ATXN10: variants seen among roughly 807,000 people sequenced by gnomAD.
ATXN10 encodes the protein ataxin-10.
A neutral mutation model predicts 52.9 loss-of-function variants in ATXN10; 28 were observed. The ratio of observed to expected loss-of-function variants is 0.53; its 90% CI spans 0.39 to 0.73. ATXN10 has a LOEUF of 0.73. Among genes scored for constraint, ATXN10 ranks in the 30% least tolerant of loss-of-function variants. The pLI, the probability that ATXN10 is intolerant of heterozygous loss-of-function variation, is 0.00. For synonymous variants in ATXN10, 226 were observed against 221.5 expected (o/e 1.02, Z -0.18); for missense variants, 565 against 577.0 (o/e 0.98, Z 0.21).
intron 10 of ATXN10, among the ~76,000 whole-genome samples, chr22:45,813,286 A>T (rs1601662419): frequency 7.0e-6 from 1 of 143,410 alleles, no homozygotes. Context: ...TTTTTCTTTC[A>T]TTCTTTTTTG....
rs1398476208 is a variant in ATXN10, at chr22:45,841,643, G to A, written c.1238-1348G>A. Among the ~76,000 whole-genome samples the A allele has an allele frequency of 1.3e-5, 2 of 152,232 alleles. No homozygotes were observed. Among genetic ancestry groups the A allele is most frequent in the Non-Finnish European group, 2.9e-5 (2 of 68,040 alleles). ...CTGAGCATACAGCTGACTGTGTTTA[G>A]TACGTTTCAGTTGTCTGACTTAATT... is the stretch of plus-strand genomic sequence containing the variant. On this transcript the variant is annotated intron_variant, in intron 10 of 11. Transcript: ENST00000252934. The surrounding 1 kb of genome is among the most constrained non-coding windows in gnomAD (Gnocchi z 5.1).
intron 7 of ATXN10, among the ~76,000 whole-genome samples, chr22:45,730,600 A>G (rs1413297249): frequency 2.0e-5 from 3 of 152,060 alleles, no homozygotes; most frequent in African/African-American, 7.2e-5. Context: ...CCATGCCCAG[A>G]TAATTTTTGT....
In ATXN10 at chr22:45,841,260, A is replaced by G. The variant is rs1929337577; in HGVS notation, c.1238-1731A>G. ...ATGACACAATAAGAACTTTTTCCCCACCATAGACAGATGACTGATTATAGA... is the reference window on the plus strand; with the variant it reads ...ATGACACAATAAGAACTTTTTCCCCGCCATAGACAGATGACTGATTATAGA... On this transcript the variant is annotated intron_variant, in intron 10 of 11. Transcript: ENST00000252934. This position sits in a 1 kb window ranked among gnomAD's most constrained non-coding sequence, Gnocchi z 5.1. Among the ~76,000 whole-genome samples, 2 of 152,228 alleles carry G rather than the reference A, an allele frequency of 1.3e-5. No homozygotes were observed. Among genetic ancestry groups the G allele is most frequent in the Admixed American group, 6.5e-5 (1 of 15,290 alleles).
chr22:45,703,206 G>A (rs748559420), intron 5 of ATXN10, among the ~76,000 whole-genome samples: 3 of 152,128 alleles, frequency 2.0e-5, no homozygotes, highest in Non-Finnish European at 2.9e-5. Context: ...AGGTTGGTGC[G>A]AGCCTTGTAA....
chr22:45,685,147 G>A (rs764497258), intron 1 of ATXN10, among the ~76,000 whole-genome samples: 2 of 149,544 alleles, frequency 1.3e-5, no homozygotes, highest in Non-Finnish European at 3.0e-5. Context: ...ACTGTAAAAT[G>A]TGTGTGCATA....
rs1381950662 is a variant in ATXN10 at position 45,757,032 on chromosome 22, G to C, written c.1173+16494G>C. ...TGGAGAAGAACCAGACGAGAGACAC[G>C]GTTCCAGATGCTTTCCCAAGTGGCT... On this transcript the variant is annotated intron_variant, in intron 9 of 11. Transcript: ENST00000252934. This position sits in a 1 kb window ranked among gnomAD's most constrained non-coding sequence, Gnocchi z 4.6. Among the ~76,000 whole-genome samples, 1 of 152,130 alleles carries C rather than the reference G, an allele frequency of 6.6e-6. No homozygotes were observed. Among genetic ancestry groups the C allele is most frequent in the Non-Finnish European group, 1.5e-5 (1 of 68,044 alleles).
chr22:45,838,040 A>G (rs1929225347), intron 10 of ATXN10, among the ~76,000 whole-genome samples: 1 of 152,214 alleles, frequency 6.6e-6, no homozygotes, highest in Admixed American at 6.5e-5. Flanking sequence ...CTGGAAGAAT[A>G]GTTTAGCTTG....
intron 6 of ATXN10, among the ~76,000 whole-genome samples, chr22:45,721,199 G>A (rs1168777394): frequency 6.6e-6 from 1 of 152,086 alleles, no homozygotes; most frequent in Non-Finnish European, 1.5e-5. Context: ...AAAAATGAGA[G>A]CCTACATTTA....
chr22:45,814,344 A>T (rs967182038), intron 10 of ATXN10, among the ~76,000 whole-genome samples: 2 of 152,232 alleles, frequency 1.3e-5, no homozygotes, highest in Non-Finnish European at 2.9e-5. Context: ...AAGAAATCCA[A>T]ATGGTTAGTA....
intron 9 of ATXN10, among the ~76,000 whole-genome samples, chr22:45,753,668 A>T (rs968460328): frequency 6.6e-6 from 1 of 151,894 alleles, no homozygotes; most frequent in Non-Finnish European, 1.5e-5. Flanking sequence ...CAGCCTCCCA[A>T]AGTGCTGGGA....
rs2146807295 is a variant in ATXN10, at chr22:45,744,145, G to A, written c.1173+3607G>A. Among the ~76,000 whole-genome samples, 1 of 152,286 alleles carries A rather than the reference G, an allele frequency of 6.6e-6. No individual in the cohort carries two copies. Among genetic ancestry groups the A allele is most frequent in the East Asian group, 1.9e-4 (1 of 5,182 alleles). On this transcript the variant is annotated intron_variant, in intron 9 of 11. Transcript: ENST00000252934. The surrounding 1 kb of genome is among the most constrained non-coding windows in gnomAD (Gnocchi z 4.9). ...ATCCTTTGACGGGTAATTCAGGCAA[G>A]GTATTAATATCTTCTGTGGAGCTTC...
intron 1 of ATXN10, chr22:45,673,058 T>C (rs1922535640): frequency 1.3e-5 from 2 of 152,230 alleles, no homozygotes; most frequent in Non-Finnish European, 2.9e-5. Context: ...GAACAGTACC[T>C]CCCTGGTGAT....
In ATXN10 at chr22:45,818,835, A is replaced by C. The variant is rs1928552327; in HGVS notation, c.1237+11813A>C. Among the ~76,000 whole-genome samples, 1 of 152,156 alleles carries C rather than the reference A, an allele frequency of 6.6e-6. No homozygotes were observed. The highest frequency in any genetic ancestry group is 1.5e-5 in the Non-Finnish European group (1 of 68,020). On this transcript the variant is annotated intron_variant, in intron 10 of 11. Coordinates refer to ENST00000252934, the MANE Select transcript of ATXN10 (RefSeq NM_013236.4). This position sits in a 1 kb window ranked among gnomAD's most constrained non-coding sequence, Gnocchi z 4.6. ...AACAGAAACAAAACTGTATGTGGACACTGATTGCCTGTTCCTAAGGACCTG... is the reference window on the plus strand; with the variant it reads ...AACAGAAACAAAACTGTATGTGGACCCTGATTGCCTGTTCCTAAGGACCTG...
intron 9 of ATXN10, among the ~76,000 whole-genome samples, chr22:45,743,729 T>C (rs1925625903): frequency 6.6e-6 from 1 of 152,238 alleles, no homozygotes; most frequent in African/African-American, 2.4e-5. Context: ...GTGTTTACTA[T>C]GTCCTTGCAT....
At chr22:45,796,310 T>A (rs1429341464) in intron 9 of ATXN10, among the ~76,000 whole-genome samples, 1 of 152,186 alleles carries the variant, frequency 6.6e-6, no homozygotes, top group Non-Finnish European at 1.5e-5. Flanking sequence ...TATTTCCTGT[T>A]AAGATGTTTA....
At position 45,734,817 on chromosome 22, in the gene ATXN10, C is replaced by T. The variant is rs550421466; in HGVS notation, c.895-3914C>T. ...ATTTCTTCTGTTACAGGCATATGATCTTGGAAAAGTTACTTAGCCTCTCTC... is the reference window on the plus strand; with the variant it reads ...ATTTCTTCTGTTACAGGCATATGATTTTGGAAAAGTTACTTAGCCTCTCTC... On this transcript the variant is annotated intron_variant, in intron 7 of 11. Coordinates refer to ENST00000252934, the MANE Select transcript of ATXN10 (RefSeq NM_013236.4). Among the ~76,000 whole-genome samples, 8 of 150,996 alleles carry T rather than the reference C, an allele frequency of 5.3e-5. No homozygotes were observed. The East Asian group carries it at 9.7e-4, about 18-fold the overall frequency.
At position 45,783,178 on chromosome 22, in the gene ATXN10, C is replaced by G. The variant is rs1301512010; in HGVS notation, c.1174-23781C>G. 6.6e-6 allele frequency among the ~76,000 whole-genome samples: 1 copy of G among 152,102 alleles called. No individual in the cohort carries two copies. The highest frequency in any genetic ancestry group is 1.5e-5 in the Non-Finnish European group (1 of 68,022). On this transcript the variant is annotated intron_variant, in intron 9 of 11. Coordinates refer to ENST00000252934, the MANE Select transcript of ATXN10 (RefSeq NM_013236.4). This position sits in a 1 kb window ranked among gnomAD's most constrained non-coding sequence, Gnocchi z 5.0. ...GTCATTGTTAAGTAAGATAAGGGTT[C>G]CATGAACACGAGCACTGTGATACCA...
Position 45,738,790 on chromosome 22 carries a change from G to A in ATXN10, c.954G>A (p.Glu318=), listed in dbSNP as rs963316280. The change falls in exon 8 of 12, where the codon GAG becomes GAA. Residue 318 remains glutamate (E), a synonymous_variant. Coordinates refer to ENST00000252934, the MANE Select transcript of ATXN10 (RefSeq NM_013236.4). ...TGTGCGAAATGACTGTGAATACTGA[G>A]CTGCTCGGCTATCTGCAGGTTTTCC... ...DVLCEMTVNT[E]LLGYLQVFPG... is the part of the protein sequence containing the mutation. 3.7e-6 allele frequency: 6 copies of A among 1,614,022 alleles called. No homozygotes were observed. Among genetic ancestry groups the A allele is most frequent in the South Asian group, 2.2e-5 (2 of 91,086 alleles).
chr22:45,673,178 A>T (rs1291758657), intron 1 of ATXN10: 2 of 152,262 alleles, frequency 1.3e-5, no homozygotes, highest in African/African-American at 4.8e-5. Context: ...ATTGGTAGTT[A>T]CCCATGTATC....
Sources: gnomAD v4.1 joint callset for allele counts (sites outside exome capture counted in the v4.1 genomes callset) on GRCh38, gnomAD v4.1.1 for gene constraint, Gnocchi (gnomAD v3.1) non-coding constraint, MANE v1.5 for transcripts, NCBI Gene and HGNC (gene_info 2026-07-23, HGNC 2026-07-21) for gene names.